BIRC5: variants seen among roughly 807,000 people sequenced by gnomAD.
BIRC5 encodes baculoviral IAP repeat containing 5, also known as baculoviral IAP repeat-containing protein 5.
A neutral mutation model predicts 15.8 loss-of-function variants in BIRC5; 8 were observed. The observed-to-expected ratio is 0.51, with a 90% CI of 0.30 to 0.91. The LOEUF (loss-of-function observed/expected upper bound fraction) is 0.91, where lower values mean the gene tolerates loss of function less well. Among genes scored for constraint, BIRC5 ranks in the 40% least tolerant of loss-of-function variants. The probability of loss-of-function intolerance (pLI) is 0.07; values close to 1 mark genes in which losing one functional copy is unlikely to be tolerated. For missense variants in BIRC5, 163 were observed against 178.6 expected, an observed-to-expected ratio of 0.91 and a Z score of 0.50; for synonymous variants, 56 against 64.5, an observed-to-expected ratio of 0.87 and a Z score of 0.63.
intron 3 of BIRC5, among the ~76,000 whole-genome samples, chr17:78,222,215 A>AG (rs1360905607): frequency 6.6e-6 from 1 of 150,418 alleles, no homozygotes; most frequent in Admixed American, 6.6e-5. Context: ...AAAAAAAAAA[A>AG]CCAAACGGTG....
chr17:78,223,042 T>TAGACTAGCTGGGGTGCCC (rs202138541), intron 3 of BIRC5: 33 of 1,396,984 alleles, frequency 2.4e-5, no homozygotes, highest in African/African-American at 2.0e-4. Context: ...CTGGGGTGCC[T>TAGACTAGCTGGGGTGCCC]AGACTAGCTG....
Position 78,216,668 on chromosome 17 carries a change from G to C in BIRC5, c.226G>C (p.Glu76Gln). 1 of 1,613,262 alleles carries C rather than the reference G, an allele frequency of 6.2e-7. No homozygotes were observed. Among genetic ancestry groups the C allele is most frequent in the Non-Finnish European group, 8.5e-7 (1 of 1,179,540 alleles). The change falls in exon 3 of 4, where the codon GAA (glutamate) becomes CAA (glutamine). Residue 76 changes from glutamate to glutamine, a missense_variant. Glu to Gln is a conservative substitution (Grantham distance 29, BLOSUM62 2). Transcript: ENST00000350051. ...GWEPDDDPIEEHKKHSSGCAF... is the reference protein window; with the variant it reads ...GWEPDDDPIEQHKKHSSGCAF... The stretch of plus-strand genomic sequence containing the variant: ...CTGTTGTTTTGATTTTTCTAGAGAG[G>C]AACATAAAAAGCATTCGTCCGGTTG...
chr17:78,222,678 ATTT>A, intron 3 of BIRC5: 1 of 1,207,322 alleles, frequency 8.3e-7, no homozygotes, highest in Non-Finnish European at 1.1e-6. Flanking sequence ...AAAAAAAGTA[ATTT>A]TTTTTAAGTT....
At chr17:78,216,329 C>A in intron 2 of BIRC5, 2 of 189,900 alleles carry the variant, frequency 1.1e-5, no homozygotes, top group African/African-American at 2.3e-5. Context: ...CAAACAGTTC[C>A]TTGAGAATGT....
chr17:78,214,706 C>T lies in BIRC5; in HGVS notation c.138C>T (p.Cys46=), dbSNP rs1166055942. Residue 46 remains cysteine, a synonymous_variant, in exon 2 of 4, where the codon TGC becomes TGT. Transcript: ENST00000350051. ...TGGCCGAGGCTGGCTTCATCCACTGCCCCACTGAGAACGAGCCAGACTTGG... is the reference window on the plus strand; with the variant it reads ...TGGCCGAGGCTGGCTTCATCCACTGTCCCACTGAGAACGAGCCAGACTTGG... The part of the protein sequence containing the change: ...ERMAEAGFIH[C]PTENEPDLAQ... 6.2e-7 allele frequency: 1 copy of T among 1,609,608 alleles called. No individual in the cohort carries two copies. Among genetic ancestry groups the T allele is most frequent in the Non-Finnish European group, 8.5e-7 (1 of 1,178,428 alleles).
intron 3 of BIRC5, among the ~76,000 whole-genome samples, chr17:78,221,635 T>C (rs994213767): frequency 1.3e-5 from 2 of 152,192 alleles, no homozygotes; most frequent in African/African-American, 4.8e-5. Context: ...GCACCCGGCC[T>C]GTTTTGTCTT....
In BIRC5 at chr17:78,216,767, G is replaced by T; in HGVS notation, c.325G>T (p.Ala109Ser). 6.2e-7 allele frequency: 1 copy of T among 1,613,472 alleles called. No individual in the cohort carries two copies. The highest frequency in any genetic ancestry group is 8.5e-7 in the Non-Finnish European group (1 of 1,179,716). The part of the protein sequence containing the change: ...GEFLKLDRER[A>S]KNKIAKETNN... ...ATTTTTGAAACTGGACAGAGAAAGAGCCAAGAACAAAATTGTATGTATTGG... is the reference window on the plus strand; with the variant it reads ...ATTTTTGAAACTGGACAGAGAAAGATCCAAGAACAAAATTGTATGTATTGG... Residue 109 changes from alanine (A) to serine (S), a missense_variant, in exon 3 of 4, where the codon GCC becomes TCC. Coordinates refer to ENST00000350051, the MANE Select transcript of BIRC5 (RefSeq NM_001168.3).
chr17:78,215,348 C>T (rs947882811), intron 2 of BIRC5, among the ~76,000 whole-genome samples: 3 of 151,604 alleles, frequency 2.0e-5, no homozygotes, highest in Middle Eastern at 3.4e-3. Flanking sequence ...ACCTGGGAGG[C>T]GGAGGTTGCA....
rs895013059 is a variant in BIRC5, at chr17:78,224,498, G to C, written c.*944G>C. ...TTCACATCTGTCACGTTCTCCACAC[G>C]GGGGAGAGACGCAGTCCGCCCAGGT... On this transcript the variant is annotated 3_prime_UTR_variant, in exon 4 of 4. Coordinates refer to ENST00000350051, the MANE Select transcript of BIRC5 (RefSeq NM_001168.3). The C allele has an allele frequency of 5.3e-5, 8 of 152,224 alleles. No homozygotes were observed. The highest frequency in any genetic ancestry group is 1.9e-4 in the African/African-American group (8 of 41,452). 9.4% of individuals were successfully genotyped at this position (152,224 alleles called of 1,614,324 possible).
intron 3 of BIRC5, among the ~76,000 whole-genome samples, chr17:78,217,828 T>C (rs1258422954): frequency 6.6e-6 from 1 of 151,768 alleles, no homozygotes; most frequent in Non-Finnish European, 1.5e-5. Context: ...GGACTCACTC[T>C]GTCACCTGGG....
intron 3 of BIRC5, among the ~76,000 whole-genome samples, chr17:78,221,604 G>C (rs1014327088): frequency 2.0e-5 from 3 of 151,980 alleles, no homozygotes; most frequent in African/African-American, 7.2e-5. Flanking sequence ...CAAAGTGCTG[G>C]GATTACAGGC....
intron 3 of BIRC5, 146 bp from the exon 4 acceptor site, chr17:78,223,319 T>C: frequency 1.4e-6 from 1 of 726,478 alleles, no homozygotes; most frequent in East Asian, 2.9e-5. Flanking sequence ...TTGTCCCAGG[T>C]AGCTGGGAAT....
chr17:78,222,437 C>T (rs1198693659), intron 3 of BIRC5, among the ~76,000 whole-genome samples: 2 of 151,996 alleles, frequency 1.3e-5, no homozygotes, highest in Non-Finnish European at 2.9e-5. Context: ...GAGGCCGTGG[C>T]GGGCAGATCA....
At chr17:78,214,558 G>C (rs979488642) in intron 1 of BIRC5, 122 bp from the exon 2 acceptor site, 326 of 1,265,720 alleles carry the variant, frequency 2.6e-4, no homozygotes, top group Non-Finnish European at 3.3e-4. Context: ...GGCCACTGTG[G>C]CTGGGCCCCT....
intron 3 of BIRC5, 99 bp downstream of exon 3, chr17:78,216,880 ATTTT>A: frequency 1.5e-6 from 1 of 688,308 alleles, no homozygotes; most frequent in Non-Finnish European, 2.2e-6. Context: ...CTCAGGAAGC[ATTTT>A]TTTTTTTTTT....
chr17:78,223,002 T>C, intron 3 of BIRC5: 1 of 1,475,736 alleles, frequency 6.8e-7, no homozygotes. Context: ...GGTAGGGCAG[T>C]GGTTAAGAGC....
chr17:78,223,137 A>G, intron 3 of BIRC5: 3 of 800,032 alleles, frequency 3.7e-6, no homozygotes, highest in Admixed American at 3.2e-5. Context: ...CCTCACCTGT[A>G]TAGTAGAGAT....
Position 78,223,753 on chromosome 17 carries a change from G to A in BIRC5, c.*199G>A. ...AGGTGCTTCTGCCTGTGCAGCGGGTGCTGCTGGTAACAGTGGCTGCTTCTC... is the reference window on the plus strand; with the variant it reads ...AGGTGCTTCTGCCTGTGCAGCGGGTACTGCTGGTAACAGTGGCTGCTTCTC... On this transcript the variant is annotated 3_prime_UTR_variant, in exon 4 of 4. Transcript: ENST00000350051. The A allele has an allele frequency of 2.5e-6, 3 of 1,221,002 alleles. No homozygotes were observed. The highest frequency in any genetic ancestry group is 2.1e-5 in the South Asian group (1 of 48,016). 75.6% of individuals were successfully genotyped at this position (1,221,002 alleles called of 1,614,324 possible). A position where few individuals can be genotyped will look rare whatever the true frequency, so the allele number is the denominator to read the frequency against.
chr17:78,218,721 G>T (rs60257500), intron 3 of BIRC5, among the ~76,000 whole-genome samples: 1 of 151,424 alleles, frequency 6.6e-6, no homozygotes, highest in African/African-American at 2.4e-5. Context: ...TTCTGCCTCA[G>T]CCTCCTGAGT....
Sources: gnomAD v4.1 joint callset for allele counts (sites outside exome capture counted in the v4.1 genomes callset) on GRCh38, gnomAD v4.1.1 for gene constraint, MANE v1.5 for transcripts, NCBI Gene and HGNC (gene_info 2026-07-23, HGNC 2026-07-21) for gene names.